DMD: variants seen among roughly 807,000 people sequenced by gnomAD.
DMD encodes mutant dystrophin.
Under a neutral mutation model 330.1 loss-of-function variants are expected in DMD, and 63 were observed. The observed-to-expected ratio is 0.19, with a 90% CI of 0.16 to 0.24. The LOEUF is 0.24. DMD is among the 10% of genes least tolerant of loss of function. The probability of loss-of-function intolerance (pLI) is 1.00; values close to 1 mark genes in which losing one functional copy is unlikely to be tolerated. For synonymous variants in DMD, 1,223 were observed against 959.8 expected, an observed-to-expected ratio of 1.27 and a Z score of -5.07; for missense variants, 3,344 against 2,684.1, an observed-to-expected ratio of 1.25 and a Z score of -5.43.
intron 47 of DMD, among the ~76,000 whole-genome samples, chrX:31,876,312 G>C (rs1315578268): frequency 2.7e-5 from 3 of 111,905 alleles, no homozygotes; most frequent in Non-Finnish European, 5.6e-5. Flanking sequence ...GTGAGGTCTA[G>C]AGTTAGGCCA....
intron 63 of DMD, among the ~76,000 whole-genome samples, chrX:31,259,974 G>A (rs1289262726): frequency 9.1e-6 from 1 of 109,963 alleles, no homozygotes; most frequent in Non-Finnish European, 1.9e-5. Context: ...CAGAAATGCA[G>A]GCTTGAAAAA....
At chrX:32,869,699 A>G (rs1035262937) in intron 2 of DMD, among the ~76,000 whole-genome samples, 11 of 110,253 alleles carry the variant, frequency 1.0e-4, no homozygotes, top group Admixed American at 2.0e-4. Flanking sequence ...AGATTAGAGA[A>G]AAAAGAATGC....
intron 44 of DMD, among the ~76,000 whole-genome samples, chrX:32,088,046 G>A (rs1449783703): frequency 8.9e-6 from 1 of 112,207 alleles, no homozygotes; most frequent in Non-Finnish European, 1.9e-5. Context: ...TCTATAATAT[G>A]GGTGTCTGCC....
intron 52 of DMD, among the ~76,000 whole-genome samples, chrX:31,723,623 A>AACACACACACACACACACACACAC (rs55718177): frequency 2.3e-4 from 18 of 77,666 alleles, no homozygotes; most frequent in African/African-American, 8.6e-4. Context: ...TATCCTCCAC[A>AACACACACACACACACACACACAC]ACACACACAC....
chrX:31,510,359 C>A (rs749162834), intron 55 of DMD, among the ~76,000 whole-genome samples: 4 of 111,118 alleles, frequency 3.6e-5, no homozygotes, highest in Non-Finnish European at 7.5e-5. Flanking sequence ...ACAGTAGTCA[C>A]TGAACCTGAA....
At position 31,575,169 on chromosome X, in the gene DMD, A is replaced by G. The variant is rs767141697; in HGVS notation, c.8217+52504T>C. On this transcript the variant is annotated intron_variant, in intron 55 of 78. Transcript: ENST00000357033. ...TGGATTTGGCCAATCTAGCTATTTA[A>G]AAAGTCTGCTCTGTTCTTTTAACTT... Among the ~76,000 whole-genome samples the G allele has an allele frequency of 1.7e-3, 185 of 112,113 alleles. 1 individual carries two copies. Among genetic ancestry groups the G allele is most frequent in the African/African-American group, 5.7e-3 (176 of 30,923 alleles).
At chrX:32,330,542 G>A (rs1214311478) in intron 41 of DMD, among the ~76,000 whole-genome samples, 1 of 111,786 alleles carries the variant, frequency 8.9e-6, no homozygotes, top group Non-Finnish European at 1.9e-5. Context: ...CTTCCAGCTG[G>A]TGTTCCATAT....
rs2077778240 is a variant in DMD at position 32,816,562 on chromosome X, G to C, written c.436C>G (p.Gln146Glu). The change falls in exon 6 of 79, where the codon CAA (glutamine) becomes GAA (glutamate). Residue 146 changes from glutamine (Q) to glutamate (E), a missense_variant. Transcript: ENST00000357033. Reference protein sequence around the residue: ...SEKILLSWVRQSTRNYPQVNV... With the variant: ...SEKILLSWVRESTRNYPQVNV... ...ACCTGTGGATAATTACGAGTTGATTGTCGGACCCAGCTCAGGAGAATCTTT... is the reference window on the plus strand; with the variant it reads ...ACCTGTGGATAATTACGAGTTGATTCTCGGACCCAGCTCAGGAGAATCTTT... 9.9e-6 allele frequency: 12 copies of C among 1,211,218 alleles called. No homozygotes were observed. The East Asian group carries it at 3.5e-4, about 36-fold the overall frequency.
At chrX:31,782,414 C>T (rs2091060805) in intron 50 of DMD, among the ~76,000 whole-genome samples, 1 of 110,989 alleles carries the variant, frequency 9.0e-6, no homozygotes, top group South Asian at 3.8e-4. Flanking sequence ...TAATTACAGG[C>T]AAGTGATCCT....
rs182079305 is a variant in DMD, at chrX:33,194,824, T to C, written c.31+16458A>G. On this transcript the variant is annotated intron_variant, in intron 1 of 78. Coordinates refer to ENST00000357033, the MANE Select transcript of DMD (RefSeq NM_004006.3). ...ATTGAAAGGGTTCAAGACACCAGTT[T>C]TTAAAAATTCATTATTACATGAATA... Among the ~76,000 whole-genome samples, 845 of 111,711 alleles carry C rather than the reference T, an allele frequency of 7.6e-3. 6 individuals carry two copies. The highest frequency in any genetic ancestry group is 0.011 in the Non-Finnish European group (562 of 53,139).
intron 1 of DMD, among the ~76,000 whole-genome samples, chrX:33,229,716 CTTT>C (rs1338829777): frequency 9.0e-6 from 1 of 111,456 alleles, no homozygotes; most frequent in Non-Finnish European, 1.9e-5. Context: ...CTTTATTCTT[CTTT>C]GTCAAGATTG....
chrX:32,252,735 T>TATATATAAATATATATAAATATATAA (rs1569553634), intron 43 of DMD, among the ~76,000 whole-genome samples: 4 of 27,092 alleles, frequency 1.5e-4, no homozygotes, highest in Non-Finnish European at 2.1e-4. Flanking sequence ...AATATATAAA[T>TATATATAAATATATATAAATATATAA]ATATATATAA....
At chrX:32,975,346 CTTTTTTTTTTTTT>C (rs35180404) in intron 2 of DMD, among the ~76,000 whole-genome samples, 1 of 64,773 alleles carries the variant, frequency 1.5e-5, no homozygotes, top group Non-Finnish European at 2.8e-5. Flanking sequence ...TTAAAAAATG[CTTTTTTTTTTTTT>C]TTTTTTTTTT....
chrX:32,742,067 T>G (rs1217525183), intron 7 of DMD, among the ~76,000 whole-genome samples: 1 of 111,504 alleles, frequency 9.0e-6, no homozygotes, highest in Non-Finnish European at 1.9e-5. Flanking sequence ...TAATGACCTG[T>G]TCAGTGCCCT....
intron 7 of DMD, among the ~76,000 whole-genome samples, chrX:32,705,615 A>G (rs1292112058): frequency 9.0e-6 from 1 of 111,423 alleles, no homozygotes; most frequent in Non-Finnish European, 1.9e-5. Flanking sequence ...GGAATTTGAC[A>G]CCAGCCTGGC....
At chrX:32,711,763 C>T (rs1168488499) in intron 7 of DMD, among the ~76,000 whole-genome samples, 3 of 111,744 alleles carry the variant, frequency 2.7e-5, no homozygotes, top group African/African-American at 9.7e-5. Flanking sequence ...TACATCCATG[C>T]ATCTATCCAT....
intron 7 of DMD, among the ~76,000 whole-genome samples, chrX:32,773,516 ATTTTTT>A (rs35272633): frequency 2.2e-5 from 2 of 90,285 alleles, no homozygotes; most frequent in African/African-American, 7.7e-5. Flanking sequence ...TATACTTTTT[ATTTTTT>A]TTTTTTTTTT....
chrX:32,976,337 G>T (rs761882948), intron 2 of DMD, among the ~76,000 whole-genome samples: 11 of 111,431 alleles, frequency 9.9e-5, no homozygotes, highest in Non-Finnish European at 2.1e-4. Flanking sequence ...GGATGGAAAG[G>T]TGCTCTAAGG....
intron 9 of DMD, 30 bp downstream of exon 9, chrX:32,697,840 T>G (rs772279994): frequency 9.9e-6 from 12 of 1,207,462 alleles, no homozygotes; most frequent in Non-Finnish European, 1.2e-5. Flanking sequence ...GTTCTCTGGT[T>G]TGTACAACAG....
Sources: gnomAD v4.1 joint callset for allele counts (sites outside exome capture counted in the v4.1 genomes callset) on GRCh38, gnomAD v4.1.1 for gene constraint, MANE v1.5 for transcripts, NCBI Gene and HGNC (gene_info 2026-07-23, HGNC 2026-07-21) for gene names.